Variants in STXBP6 observed in about 807,000 individuals in gnomAD.
The protein encoded by STXBP6 is syntaxin binding protein 6.
Under a neutral mutation model 26.9 loss-of-function variants are expected in STXBP6, and 21 were observed. That is an observed-to-expected ratio of 0.78 (90% CI 0.55 to 1.12). The LOEUF (loss-of-function observed/expected upper bound fraction) is 1.12, where lower values mean the gene tolerates loss of function less well. Among genes scored for constraint, STXBP6 ranks in the 50% most tolerant of loss-of-function variants. STXBP6 has a pLI of 0.00. For synonymous variants in STXBP6, 97 were observed against 92.6 expected (o/e 1.05, Z -0.27); for missense variants, 232 against 257.9 (o/e 0.90, Z 0.69).
intron 2 of STXBP6, among the ~76,000 whole-genome samples, chr14:24,867,831 A>T (rs2069778419): frequency 6.6e-6 from 1 of 152,214 alleles, no homozygotes; most frequent in East Asian, 1.9e-4. Flanking sequence ...ACTTCATGGA[A>T]AACTTGTGCT....
At chr14:24,867,266 A>C (rs1241176436) in intron 2 of STXBP6, among the ~76,000 whole-genome samples, 1 of 152,176 alleles carries the variant, frequency 6.6e-6, no homozygotes, top group African/African-American at 2.4e-5. Context: ...TTGGAAGCAC[A>C]GACTGGGCTC....
chr14:24,846,822 T>A (rs2068979726), intron 4 of STXBP6, among the ~76,000 whole-genome samples: 1 of 152,190 alleles, frequency 6.6e-6, no homozygotes, highest in Admixed American at 6.5e-5. Flanking sequence ...GAACTACCTA[T>A]GCTAAATCTT....
chr14:25,038,964 T>C (rs548264294), intron 1 of STXBP6, among the ~76,000 whole-genome samples: 4 of 152,280 alleles, frequency 2.6e-5, no homozygotes, highest in South Asian at 2.1e-4. Context: ...ATGATTATAG[T>C]TGACATAGTG....
At chr14:24,974,260 T>C (rs190215664) in intron 2 of STXBP6, among the ~76,000 whole-genome samples, 7 of 152,364 alleles carry the variant, frequency 4.6e-5, no homozygotes, top group Admixed American at 2.6e-4. Context: ...TTACTGATTA[T>C]TGGCAACTGT....
intron 1 of STXBP6, among the ~76,000 whole-genome samples, chr14:24,999,189 T>C (rs1316140422): frequency 2.6e-5 from 4 of 152,204 alleles, no homozygotes; most frequent in African/African-American, 4.8e-5. Flanking sequence ...GGATTGTCTG[T>C]GTACATTCCT....
chr14:24,826,528 C>T (rs2068288835), intron 4 of STXBP6, among the ~76,000 whole-genome samples: 1 of 152,168 alleles, frequency 6.6e-6, no homozygotes, highest in Non-Finnish European at 1.5e-5. Context: ...CTGTTACTTT[C>T]GTATGCCACA....
chr14:25,015,800 G>GAAA, intron 1 of STXBP6, among the ~76,000 whole-genome samples: 1 of 135,046 alleles, frequency 7.4e-6, no homozygotes, highest in East Asian at 2.1e-4. Flanking sequence ...CAACAACAAG[G>GAAA]AAAAAAAAAA....
At chr14:24,934,507 A>G (rs968471500) in intron 2 of STXBP6, among the ~76,000 whole-genome samples, 3 of 152,034 alleles carry the variant, frequency 2.0e-5, no homozygotes, top group Admixed American at 2.0e-4. Flanking sequence ...TAGCACTCTC[A>G]TCACCTCTTG....
chr14:24,991,035 AAGAG>A (rs1342725444), intron 1 of STXBP6, among the ~76,000 whole-genome samples: 1 of 151,182 alleles, frequency 6.6e-6, no homozygotes, highest in Non-Finnish European at 1.5e-5. Flanking sequence ...AGAGAGACAG[AAGAG>A]AGAGGAGAGC....
intron 2 of STXBP6, among the ~76,000 whole-genome samples, chr14:24,917,433 A>C (rs1370852209): frequency 3.9e-5 from 6 of 152,100 alleles, no homozygotes; most frequent in Non-Finnish European, 8.8e-5. Flanking sequence ...GCACAGCTTT[A>C]GCAACAACCT....
chr14:24,839,828 A>C (rs2068735589), intron 4 of STXBP6, among the ~76,000 whole-genome samples: 1 of 152,178 alleles, frequency 6.6e-6, no homozygotes, highest in Admixed American at 6.5e-5. Flanking sequence ...GTAGGCAATA[A>C]AAGATGTAGG....
At chr14:24,958,468 G>A (rs1052340250) in intron 2 of STXBP6, among the ~76,000 whole-genome samples, 1 of 152,114 alleles carries the variant, frequency 6.6e-6, no homozygotes, top group Admixed American at 6.6e-5. Context: ...TTACAGAGCT[G>A]TATTGTGGCT....
intron 4 of STXBP6, among the ~76,000 whole-genome samples, chr14:24,844,415 C>T (rs916247725): frequency 4.6e-5 from 7 of 152,204 alleles, no homozygotes; most frequent in African/African-American, 1.2e-4. Context: ...GACAGACGTA[C>T]GGGTAACCTG....
At chr14:24,861,128 C>A (rs980081645) in intron 2 of STXBP6, among the ~76,000 whole-genome samples, 1 of 152,102 alleles carries the variant, frequency 6.6e-6, no homozygotes, top group Non-Finnish European at 1.5e-5. Flanking sequence ...GCAGAATTTA[C>A]CACACCTACA....
At chr14:24,966,804 G>GCT (rs2140154292) in intron 2 of STXBP6, among the ~76,000 whole-genome samples, 1 of 152,256 alleles carries the variant, frequency 6.6e-6, no homozygotes, top group African/African-American at 2.4e-5. Context: ...GAGTTCATTT[G>GCT]CTCTCTAAGA....
chr14:24,913,922 G>T (rs1476998926), intron 2 of STXBP6, among the ~76,000 whole-genome samples: 1 of 152,176 alleles, frequency 6.6e-6, no homozygotes, highest in East Asian at 1.9e-4. Context: ...CTGATAGGCA[G>T]TTTGGCCTTT....
chr14:24,910,188 C>A (rs2071520739), intron 2 of STXBP6, among the ~76,000 whole-genome samples: 1 of 152,112 alleles, frequency 6.6e-6, no homozygotes, highest in Non-Finnish European at 1.5e-5. Flanking sequence ...TTGCTTCATG[C>A]CACTGCTCAC....
chr14:24,943,115 G>A lies in STXBP6; in HGVS notation c.154+31550C>T, dbSNP rs570468835. On this transcript the variant is annotated intron_variant, in intron 2 of 5. Transcript: ENST00000323944. ...TCCTCTTAACAGAACCCTGATTCTG[G>A]CACTGGGGGTGGGGTGTGAGGCAAG... Among the ~76,000 whole-genome samples, 6 of 152,254 alleles carry A rather than the reference G, an allele frequency of 3.9e-5. No individual in the cohort carries two copies. In the East Asian group the frequency reaches 1.2e-3, roughly 29 times the overall value.
intron 2 of STXBP6, among the ~76,000 whole-genome samples, chr14:24,939,805 C>T (rs1261355887): frequency 6.6e-6 from 1 of 152,084 alleles, no homozygotes. Context: ...TTTTTTAATA[C>T]TGAGTTTTAA....
Sources: gnomAD v4.1 joint callset for allele counts (sites outside exome capture counted in the v4.1 genomes callset) on GRCh38, gnomAD v4.1.1 for gene constraint, MANE v1.5 for transcripts, NCBI Gene and HGNC (gene_info 2026-07-23, HGNC 2026-07-21) for gene names.